Variants in PKD2L2 observed in about 807,000 individuals in gnomAD.
The protein encoded by PKD2L2 is polycystin-2-like protein 2.
In PKD2L2, 67 loss-of-function variants were observed where a neutral mutation model predicts 83.9. The observed-to-expected ratio is 0.80, with a 90% CI of 0.66 to 0.98. The LOEUF (loss-of-function observed/expected upper bound fraction) is 0.98, where lower values mean the gene tolerates loss of function less well. PKD2L2 is among the 50% of genes least tolerant of loss of function. PKD2L2 has a pLI of 0.00. For missense variants in PKD2L2, 632 were observed against 717.2 expected, an observed-to-expected ratio of 0.88 and a Z score of 1.36; for synonymous variants, 223 against 237.8, an observed-to-expected ratio of 0.94 and a Z score of 0.57.
chr5:137,921,507 AAC>A (rs748661364), intron 8 of PKD2L2, 127 bp from the exon 9 acceptor site: 50 of 626,958 alleles, frequency 8.0e-5, no homozygotes, highest in African/African-American at 9.2e-5. Context: ...ACTCTGTACT[AAC>A]ATAATTAAAG....
At chr5:137,894,644 A>G in intron 4 of PKD2L2, 35 bp downstream of exon 4, 1 of 1,529,902 alleles carries the variant, frequency 6.5e-7, no homozygotes, top group South Asian at 1.2e-5. Flanking sequence ...AACTTTTTCT[A>G]GCATTTACTG....
chr5:137,894,760 GT>G, intron 4 of PKD2L2, 151 bp downstream of exon 4: 1 of 632,986 alleles, frequency 1.6e-6, no homozygotes, highest in Non-Finnish European at 2.7e-6. Context: ...AGATAGCAGT[GT>G]TTAGAAAAGG....
chr5:137,913,355 T>A (rs1035519233), intron 8 of PKD2L2, among the ~76,000 whole-genome samples: 1 of 151,284 alleles, frequency 6.6e-6, no homozygotes, highest in Non-Finnish European at 1.5e-5. Flanking sequence ...AGCTGATTTT[T>A]AAAAATTTTT....
At position 137,932,156 on chromosome 5, in the gene PKD2L2, T is replaced by C. The variant is rs544601324; in HGVS notation, c.1672-3641T>C. 2.4e-3 allele frequency among the ~76,000 whole-genome samples: 360 copies of C among 152,186 alleles called. 2 individuals carry two copies. The highest frequency in any genetic ancestry group is 5.0e-3 in the Admixed American group (76 of 15,288). ...GGTGGATCACTTGAGGTCAGGAGTT[T>C]GGTGAACATGGTGAAACCCCATCTC... On this transcript the variant is annotated intron_variant, in intron 12 of 14. Coordinates refer to ENST00000508883, the MANE Select transcript of PKD2L2 (RefSeq NM_001300921.2).
intron 8 of PKD2L2, among the ~76,000 whole-genome samples, chr5:137,916,380 T>C (rs1758344765): frequency 6.6e-6 from 1 of 152,090 alleles, no homozygotes; most frequent in Non-Finnish European, 1.5e-5. Flanking sequence ...TTTCATCATG[T>C]TGGCCAGGCT....
intron 12 of PKD2L2, among the ~76,000 whole-genome samples, chr5:137,935,559 T>A (rs558811557): frequency 1.6e-4 from 25 of 152,302 alleles, no homozygotes; most frequent in Admixed American, 1.3e-3. Context: ...AATTTATAAT[T>A]TGTTTACAAA....
chr5:137,930,834 T>C (rs1759817996), intron 12 of PKD2L2, among the ~76,000 whole-genome samples: 1 of 151,676 alleles, frequency 6.6e-6, no homozygotes, highest in African/African-American at 2.4e-5. Flanking sequence ...ATGTTAGAAT[T>C]TTCAAAAAAA....
chr5:137,920,683 G>A (rs1351498522), intron 8 of PKD2L2, among the ~76,000 whole-genome samples: 1 of 151,968 alleles, frequency 6.6e-6, no homozygotes, highest in African/African-American at 2.4e-5. Flanking sequence ...CTTGAACCCG[G>A]GAGGCAGAGG....
At chr5:137,898,060 G>A (rs1266469626) in intron 4 of PKD2L2, among the ~76,000 whole-genome samples, 1 of 151,694 alleles carries the variant, frequency 6.6e-6, no homozygotes, top group East Asian at 1.9e-4. Context: ...CCCGCCTCCT[G>A]GGTTCAAGAG....
intron 11 of PKD2L2, 89 bp downstream of exon 11, chr5:137,925,193 T>C: frequency 3.6e-6 from 3 of 825,698 alleles, no homozygotes; most frequent in East Asian, 2.5e-5. Context: ...GTTTTTTGTT[T>C]GTTTGTTTGT....
chr5:137,895,131 G>A (rs1244544097), intron 4 of PKD2L2, among the ~76,000 whole-genome samples: 1 of 152,156 alleles, frequency 6.6e-6, no homozygotes, highest in Non-Finnish European at 1.5e-5. Flanking sequence ...GTGTTTCAAA[G>A]TGACTGAGGC....
intron 14 of PKD2L2, chr5:137,942,044 G>A: frequency 1.2e-6 from 2 of 1,612,036 alleles, no homozygotes; most frequent in South Asian, 1.1e-5. Flanking sequence ...AATAATTCAG[G>A]CCTAGAATTG....
chr5:137,907,452 CAG>C (rs1470408779), intron 6 of PKD2L2, among the ~76,000 whole-genome samples: 2 of 152,096 alleles, frequency 1.3e-5, no homozygotes, highest in African/African-American at 4.8e-5. Flanking sequence ...CTTATGGCCT[CAG>C]AGTTACATAA....
rs183581709 is a variant in PKD2L2, at chr5:137,911,504, G to C, written c.1328+2558G>C. ...TATATACCCAGAAGTAGAATTGCTG[G>C]ATCATATGATCTATTTCCCCCTCCA... On this transcript the variant is annotated intron_variant, in intron 8 of 14. Coordinates refer to ENST00000508883, the MANE Select transcript of PKD2L2 (RefSeq NM_001300921.2). 2.7e-4 allele frequency among the ~76,000 whole-genome samples: 41 copies of C among 152,076 alleles called. 1 individual carries two copies. In the East Asian group the frequency reaches 6.7e-3, roughly 25 times the overall value.
Position 137,899,473 on chromosome 5 carries a change from T to C in PKD2L2, c.525-43T>C, listed in dbSNP as rs758230871. 16 of 1,267,230 alleles carry C rather than the reference T, an allele frequency of 1.3e-5. No homozygotes were observed. The East Asian group carries it at 3.7e-4, about 29-fold the overall frequency. 78.5% of individuals were successfully genotyped at this position (1,267,230 alleles called of 1,614,324 possible). On this transcript the variant is annotated intron_variant, in intron 4 of 14. Coordinates refer to ENST00000508883, the MANE Select transcript of PKD2L2 (RefSeq NM_001300921.2). ...TTTAAATTCTTAGAATACTTCTCAG[T>C]TGGGCTTTGTCATTTCACCATTATT...
intron 10 of PKD2L2, among the ~76,000 whole-genome samples, chr5:137,923,813 T>C (rs1287237600): frequency 6.6e-6 from 1 of 152,198 alleles, no homozygotes; most frequent in African/African-American, 2.4e-5. Flanking sequence ...CGCTGCTGAG[T>C]ATTATAATAA....
At chr5:137,912,990 G>T (rs1209688363) in intron 8 of PKD2L2, among the ~76,000 whole-genome samples, 1 of 150,658 alleles carries the variant, frequency 6.6e-6, no homozygotes, top group Non-Finnish European at 1.5e-5. Flanking sequence ...TTTTAGTGGA[G>T]ACGGGGTTTC....
rs1453130556 is a variant in PKD2L2 at position 137,921,532 on chromosome 5, T to C, written c.1329-104T>C. On this transcript the variant is annotated intron_variant, in intron 8 of 14. Coordinates refer to ENST00000508883, the MANE Select transcript of PKD2L2 (RefSeq NM_001300921.2). Reference sequence around the variant, plus strand: ...AACATAATTAAAGTCAGAAAGCATATACCATATGCTGCTAGATATCCTCTT... The same window carrying C: ...AACATAATTAAAGTCAGAAAGCATACACCATATGCTGCTAGATATCCTCTT... The C allele has an allele frequency of 2.0e-5, 14 of 714,098 alleles. No individual in the cohort carries two copies. In the Admixed American group the frequency reaches 3.4e-4, roughly 17 times the overall value. 44.2% of individuals were successfully genotyped at this position (714,098 alleles called of 1,614,324 possible).
At chr5:137,924,959 A>G (rs113379568) in intron 10 of PKD2L2, 81 bp from the exon 11 acceptor site, 5 of 843,894 alleles carry the variant, frequency 5.9e-6, no homozygotes, top group Middle Eastern at 5.0e-4. Context: ...CAAGCATTCC[A>G]TATTTATTTT....
Sources: allele counts gnomAD v4.1 joint callset (sites outside exome capture counted in the v4.1 genomes callset), GRCh38; gene constraint gnomAD v4.1.1; transcripts MANE v1.5; gene names NCBI Gene and HGNC (gene_info 2026-07-23, HGNC 2026-07-21).